TMEM163: variants seen among roughly 807,000 people sequenced by gnomAD.
TMEM163 encodes the protein transmembrane protein 163.
In TMEM163, 17 loss-of-function variants were observed where a neutral mutation model predicts 29.3. The ratio of observed to expected loss-of-function variants is 0.58; its 90% CI spans 0.40 to 0.87. The LOEUF (loss-of-function observed/expected upper bound fraction) is 0.87, where lower values mean the gene tolerates loss of function less well. Among genes scored for constraint, TMEM163 ranks in the 40% least tolerant of loss-of-function variants. The pLI, the probability that TMEM163 is intolerant of heterozygous loss-of-function variation, is 0.00. For missense variants in TMEM163, 303 were observed against 381.5 expected (o/e 0.79, Z 1.71); for synonymous variants, 157 against 160.6 (o/e 0.98, Z 0.17).
chr2:134,479,817 G>T (rs943723569), intron 5 of TMEM163, among the ~76,000 whole-genome samples: 13 of 152,202 alleles, frequency 8.5e-5, no homozygotes, highest in Admixed American at 7.2e-4. Context: ...TAGGAGGCCT[G>T]ATGCTACCCA....
At chr2:134,630,035 T>G (rs1682932976) in intron 2 of TMEM163, among the ~76,000 whole-genome samples, 1 of 152,138 alleles carries the variant, frequency 6.6e-6, no homozygotes, top group African/African-American at 2.4e-5. Flanking sequence ...CCAGAAGCAA[T>G]TGAATCCATT....
intron 2 of TMEM163, among the ~76,000 whole-genome samples, chr2:134,591,708 C>G (rs2104802514): frequency 6.6e-6 from 1 of 152,240 alleles, no homozygotes; most frequent in Non-Finnish European, 1.5e-5. Flanking sequence ...GTTCCTGGCT[C>G]CCCAGTGTCT....
Position 134,635,924 on chromosome 2 carries a change from G to A in TMEM163, c.322+77276C>T, listed in dbSNP as rs75678195. 5.1e-3 allele frequency among the ~76,000 whole-genome samples: 777 copies of A among 152,214 alleles called. 7 individuals carry two copies. The highest frequency in any genetic ancestry group is 0.018 in the African/African-American group (739 of 41,522). ...AACATTCGGGGTTGACACTCATTGGGGAGACAACAGAATGGTCCTGCTGGT... is the reference window on the plus strand; with the variant it reads ...AACATTCGGGGTTGACACTCATTGGAGAGACAACAGAATGGTCCTGCTGGT... On this transcript the variant is annotated intron_variant, in intron 2 of 7. Coordinates refer to ENST00000281924, the MANE Select transcript of TMEM163 (RefSeq NM_030923.5).
At chr2:134,636,996 C>T (rs1349166031) in intron 2 of TMEM163, among the ~76,000 whole-genome samples, 4 of 152,202 alleles carry the variant, frequency 2.6e-5, no homozygotes, top group Admixed American at 2.0e-4. Flanking sequence ...TCCTTAAAAA[C>T]TCTGATCCCT....
At chr2:134,643,665 A>T (rs1005040781) in intron 2 of TMEM163, among the ~76,000 whole-genome samples, 1 of 123,058 alleles carries the variant, frequency 8.1e-6, no homozygotes, top group African/African-American at 3.1e-5. Flanking sequence ...CATTCATGTT[A>T]AAAAAAAAAC....
intron 2 of TMEM163, among the ~76,000 whole-genome samples, chr2:134,666,331 G>T (rs1683872931): frequency 1.3e-5 from 2 of 148,898 alleles, no homozygotes; most frequent in South Asian, 4.3e-4. Context: ...CTCCAACACT[G>T]GGCCCCTGCC....
At chr2:134,661,222 T>G (rs1315094522) in intron 2 of TMEM163, among the ~76,000 whole-genome samples, 1 of 152,174 alleles carries the variant, frequency 6.6e-6, no homozygotes, top group Non-Finnish European at 1.5e-5. Flanking sequence ...ATGCCTTCTG[T>G]CACTTGAGTA....
At chr2:134,707,513 A>T (rs779522961) in intron 2 of TMEM163, among the ~76,000 whole-genome samples, 2 of 152,190 alleles carry the variant, frequency 1.3e-5, no homozygotes, top group Non-Finnish European at 2.9e-5. Context: ...CGACCAGCAA[A>T]CTACGCAAAG....
intron 2 of TMEM163, among the ~76,000 whole-genome samples, chr2:134,602,525 C>T (rs1682258447): frequency 1.3e-5 from 2 of 152,144 alleles, no homozygotes; most frequent in South Asian, 4.2e-4. Context: ...TGTGTGAAGT[C>T]CCTCAGGTTT....
chr2:134,671,748 T>C (rs982301110), intron 2 of TMEM163, among the ~76,000 whole-genome samples: 6 of 152,200 alleles, frequency 3.9e-5, no homozygotes, highest in African/African-American at 1.2e-4. Flanking sequence ...GCCCCACCCC[T>C]GAGGGGCTTG....
intron 2 of TMEM163, among the ~76,000 whole-genome samples, chr2:134,636,387 T>C (rs1470603311): frequency 6.6e-6 from 1 of 152,260 alleles, no homozygotes; most frequent in Admixed American, 6.5e-5. Flanking sequence ...AACGTAAACA[T>C]GTACAGCAGC....
chr2:134,718,676 G>T (rs1685093278), intron 1 of TMEM163, 58 bp downstream of exon 1: 3 of 1,098,012 alleles, frequency 2.7e-6, no homozygotes, highest in African/African-American at 3.3e-5. Flanking sequence ...CGAGTGGGGA[G>T]AGGCGGGCCC....
Position 134,651,253 on chromosome 2 carries a change from G to C in TMEM163, c.322+61947C>G, listed in dbSNP as rs1254314513. Among the ~76,000 whole-genome samples, 12 of 127,614 alleles carry C rather than the reference G, an allele frequency of 9.4e-5. 1 individual carries two copies. Among genetic ancestry groups the C allele is most frequent in the Admixed American group, 2.3e-4 (3 of 12,986 alleles). The allele number at this position is 127,614 out of a possible 152,430, so 83.7% of individuals were successfully genotyped here. A position where few individuals can be genotyped will look rare whatever the true frequency, so the allele number is the denominator to read the frequency against. ...TTGCCATTCTAACTGGTGTGAGATG[G>C]TATCTCATTGTGGTTTTGATTTGCA... On this transcript the variant is annotated intron_variant, in intron 2 of 7. Coordinates refer to ENST00000281924, the MANE Select transcript of TMEM163 (RefSeq NM_030923.5).
intron 5 of TMEM163, among the ~76,000 whole-genome samples, chr2:134,478,577 T>TA (rs1386938357): frequency 3.9e-5 from 6 of 152,222 alleles, no homozygotes; most frequent in African/African-American, 1.4e-4. Context: ...TTAAGGTATG[T>TA]AGGTTGAAGA....
intron 2 of TMEM163, among the ~76,000 whole-genome samples, chr2:134,667,845 C>T (rs1683901272): frequency 6.6e-6 from 1 of 152,180 alleles, no homozygotes; most frequent in Non-Finnish European, 1.5e-5. Context: ...GAAAAAGCAA[C>T]CCAATGGTCT....
intron 4 of TMEM163, among the ~76,000 whole-genome samples, chr2:134,526,012 T>C (rs1680286498): frequency 6.6e-6 from 1 of 152,204 alleles, no homozygotes; most frequent in South Asian, 2.1e-4. Context: ...GCAGAGGGTA[T>C]AGAGAACACA....
At chr2:134,673,487 C>G (rs1123184) in intron 2 of TMEM163, among the ~76,000 whole-genome samples, 84,641 of 152,024 alleles carry the variant, frequency 0.56, 24,879 homozygotes, top group African/African-American at 0.69. Context: ...TGTTCACAAC[C>G]TAATCCCCAG....
At chr2:134,485,018 A>G (rs1558918758) in intron 5 of TMEM163, among the ~76,000 whole-genome samples, 2 of 152,250 alleles carry the variant, frequency 1.3e-5, no homozygotes, top group Non-Finnish European at 2.9e-5. Context: ...ATTTTAAGAC[A>G]GTAATTTCTG....
intron 2 of TMEM163, among the ~76,000 whole-genome samples, chr2:134,572,344 C>T (rs1681450541): frequency 6.6e-6 from 1 of 152,174 alleles, no homozygotes; most frequent in Non-Finnish European, 1.5e-5. Context: ...TCCACAAATT[C>T]GCCATGGCAA....
Sources: gnomAD v4.1 joint callset for allele counts (sites outside exome capture counted in the v4.1 genomes callset) on GRCh38, gnomAD v4.1.1 for gene constraint, MANE v1.5 for transcripts, NCBI Gene and HGNC (gene_info 2026-07-23, HGNC 2026-07-21) for gene names.